HUNK: variants seen among roughly 807,000 people sequenced by gnomAD.
HUNK encodes hormonally up-regulated neu tumor-associated kinase.
Under a neutral mutation model 61.0 loss-of-function variants are expected in HUNK, and 21 were observed. That is an observed-to-expected ratio of 0.34 (90% CI 0.24 to 0.50). The LOEUF (loss-of-function observed/expected upper bound fraction) is 0.50, where lower values mean the gene tolerates loss of function less well. Ranked by LOEUF, HUNK falls within the 20% of genes least tolerant of loss-of-function variation. The probability of loss-of-function intolerance (pLI) is 0.98; values close to 1 mark genes in which losing one functional copy is unlikely to be tolerated. For missense variants in HUNK, 772 were observed against 945.7 expected (o/e 0.82, Z 2.41); for synonymous variants, 371 against 386.1 (o/e 0.96, Z 0.46).
At chr21:31,918,549 G>A (rs567489567) in intron 1 of HUNK, among the ~76,000 whole-genome samples, 3 of 152,290 alleles carry the variant, frequency 2.0e-5, no homozygotes, top group South Asian at 2.1e-4. Flanking sequence ...GTAGGGCCAC[G>A]CTTCCTCCAG....
intron 4 of HUNK, among the ~76,000 whole-genome samples, chr21:31,953,243 CTTTTT>C (rs397948129): frequency 7.4e-6 from 1 of 134,886 alleles, no homozygotes; most frequent in Non-Finnish European, 1.6e-5. Context: ...GGTTTCCATT[CTTTTT>C]TTTTTTTTTT....
At position 31,881,635 on chromosome 21, in the gene HUNK, G is replaced by GCAA. The variant is rs767186093; in HGVS notation, c.261+7722_261+7724dup. On this transcript the variant is annotated intron_variant, in intron 1 of 10. Coordinates refer to ENST00000270112, the MANE Select transcript of HUNK (RefSeq NM_014586.2). ...CAAAAACTCCATAACAACAGCAGCA[G>GCAA]CAACAACAACAACAACAACAACAAA... Among the ~76,000 whole-genome samples the GCAA allele has an allele frequency of 1.8e-3, 280 of 151,948 alleles. 5 individuals carry two copies. Among genetic ancestry groups the GCAA allele is most frequent in the Admixed American group, 1.7e-3 (26 of 15,244 alleles).
At chr21:31,975,414 T>C (rs902571020) in intron 7 of HUNK, among the ~76,000 whole-genome samples, 1 of 152,198 alleles carries the variant, frequency 6.6e-6, no homozygotes, top group African/African-American at 2.4e-5. Flanking sequence ...TTAAAAAGAA[T>C]TCTGCAAATT....
At position 31,995,912 on chromosome 21, in the gene HUNK, G is replaced by T. The variant is rs2053201876; in HGVS notation, c.1450G>T (p.Asp484Tyr). ...QIQNTKALLKDRKASKSSFPD... is the reference protein window; with the variant it reads ...QIQNTKALLKYRKASKSSFPD... ...TCAGAACACCAAAGCCCTCCTGAAGGACCGGAAGGCCTCCAAGTCCAGCTT... is the reference window on the plus strand; with the variant it reads ...TCAGAACACCAAAGCCCTCCTGAAGTACCGGAAGGCCTCCAAGTCCAGCTT... The change falls in exon 10 of 11, where the codon GAC becomes TAC. Residue 484 changes from aspartate to tyrosine, a missense_variant. Asp to Tyr is a radical substitution (Grantham distance 160). This residue lies in a region of HUNK where 413 missense variants were observed against 444.4 expected (regional missense o/e 0.93). Coordinates refer to ENST00000270112, the MANE Select transcript of HUNK (RefSeq NM_014586.2). 1 of 1,613,786 alleles carries T rather than the reference G, an allele frequency of 6.2e-7. No homozygotes were observed. The highest frequency in any genetic ancestry group is 1.7e-5 in the Admixed American group (1 of 59,964).
intron 6 of HUNK, among the ~76,000 whole-genome samples, chr21:31,969,375 T>C (rs919579026): frequency 2.6e-5 from 4 of 151,778 alleles, no homozygotes; most frequent in African/African-American, 9.7e-5. Flanking sequence ...GGCATAGGAG[T>C]CATTCGTTTT....
chr21:31,916,882 G>T (rs1180847109), intron 1 of HUNK, among the ~76,000 whole-genome samples: 1 of 151,890 alleles, frequency 6.6e-6, no homozygotes, highest in African/African-American at 2.4e-5. Flanking sequence ...TCACCATGTT[G>T]CCCAGGCTGG....
At chr21:31,900,139 T>C (rs2052454038) in intron 1 of HUNK, among the ~76,000 whole-genome samples, 1 of 152,126 alleles carries the variant, frequency 6.6e-6, no homozygotes, top group Non-Finnish European at 1.5e-5. Context: ...TTAATCCTCG[T>C]TCATTCTCCC....
At chr21:31,933,285 T>G (rs548251565) in intron 2 of HUNK, among the ~76,000 whole-genome samples, 1 of 152,246 alleles carries the variant, frequency 6.6e-6, no homozygotes, top group South Asian at 2.1e-4. Flanking sequence ...GAAGGCCCAT[T>G]GGCCAAGAAA....
At chr21:31,933,539 CT>C (rs1298140041) in intron 2 of HUNK, among the ~76,000 whole-genome samples, 1 of 151,994 alleles carries the variant, frequency 6.6e-6, no homozygotes, top group Non-Finnish European at 1.5e-5. Context: ...AATCCTAGCA[CT>C]TTGGGAGGCC....
intron 9 of HUNK, among the ~76,000 whole-genome samples, chr21:31,994,651 C>G (rs1028657485): frequency 6.6e-6 from 1 of 152,152 alleles, no homozygotes; most frequent in Non-Finnish European, 1.5e-5. Flanking sequence ...GTGACATCAC[C>G]CTTCCCAGAA....
chr21:31,926,667 G>A lies in HUNK; in HGVS notation c.554+1907G>A, dbSNP rs2052662182. Among the ~76,000 whole-genome samples the A allele has an allele frequency of 2.0e-5, 3 of 152,266 alleles. No homozygotes were observed. In the South Asian group the frequency reaches 6.2e-4, roughly 32 times the overall value. On this transcript the variant is annotated intron_variant, in intron 2 of 10. Coordinates refer to ENST00000270112, the MANE Select transcript of HUNK (RefSeq NM_014586.2). Reference sequence around the variant, plus strand: ...TTCAGGTTTGTCTAAGTTATAGCATGTGTCAGTGTCTCCTTCCTTTTTATG... The same window carrying A: ...TTCAGGTTTGTCTAAGTTATAGCATATGTCAGTGTCTCCTTCCTTTTTATG...
chr21:31,892,724 A>G (rs887013486), intron 1 of HUNK, among the ~76,000 whole-genome samples: 2 of 152,324 alleles, frequency 1.3e-5, no homozygotes, highest in East Asian at 1.9e-4. Context: ...TCAGTTTATC[A>G]TAGATAACGG....
At chr21:31,992,965 T>G (rs568206597) in intron 9 of HUNK, among the ~76,000 whole-genome samples, 34 of 152,322 alleles carry the variant, frequency 2.2e-4, no homozygotes, top group African/African-American at 7.9e-4. Context: ...CACCAGTTAC[T>G]ATGAAATCAC....
At chr21:31,918,857 C>A (rs2052602984) in intron 1 of HUNK, among the ~76,000 whole-genome samples, 1 of 152,208 alleles carries the variant, frequency 6.6e-6, no homozygotes, top group Non-Finnish European at 1.5e-5. Flanking sequence ...GTGGGCCTAT[C>A]TTTGGGAGGC....
In HUNK at chr21:31,995,895, C is replaced by G; in HGVS notation, c.1433C>G (p.Thr478Ser). ...TCGCTTATGACACAGATTCAGAACACCAAAGCCCTCCTGAAGGACCGGAAG... is the reference window on the plus strand; with the variant it reads ...TCGCTTATGACACAGATTCAGAACAGCAAAGCCCTCCTGAAGGACCGGAAG... ...SGSLMTQIQN[T>S]KALLKDRKAS... is the part of the protein sequence containing the mutation. The change falls in exon 10 of 11, where the codon ACC becomes AGC. Residue 478 changes from threonine to serine, a missense_variant. Physicochemically the swap from Thr to Ser is moderately conservative, Grantham distance 58. Coordinates refer to ENST00000270112, the MANE Select transcript of HUNK (RefSeq NM_014586.2). The G allele has an allele frequency of 1.2e-6, 2 of 1,614,110 alleles. No individual in the cohort carries two copies. Among genetic ancestry groups the G allele is most frequent in the Non-Finnish European group, 1.7e-6 (2 of 1,179,994 alleles).
intron 5 of HUNK, among the ~76,000 whole-genome samples, chr21:31,962,399 G>A (rs2052935264): frequency 6.6e-6 from 1 of 152,216 alleles, no homozygotes; most frequent in African/African-American, 2.4e-5. Flanking sequence ...GTCTTAGCAG[G>A]CTGGGCTCTA....
chr21:31,910,894 C>G (rs2052541301), intron 1 of HUNK, among the ~76,000 whole-genome samples: 1 of 152,202 alleles, frequency 6.6e-6, no homozygotes. Flanking sequence ...ATACCTAATG[C>G]AATGCCTACA....
Position 31,917,749 on chromosome 21 carries a change from CA to C in HUNK, c.262-6718del, listed in dbSNP as rs1568924795. On this transcript the variant is annotated intron_variant, in intron 1 of 10. Coordinates refer to ENST00000270112, the MANE Select transcript of HUNK (RefSeq NM_014586.2). ...ACACACACACACACACACACACACA[CA>C]CACACACCCCTGGACTGAATTGGGA... 3.2e-3 allele frequency among the ~76,000 whole-genome samples: 463 copies of C among 145,582 alleles called. 2 individuals are homozygous for C. The highest frequency in any genetic ancestry group is 4.2e-3 in the Non-Finnish European group (279 of 66,652).
chr21:31,874,337 CG>C (rs571520534), intron 1 of HUNK, among the ~76,000 whole-genome samples: 7 of 39,730 alleles, frequency 1.8e-4, no homozygotes, highest in Non-Finnish European at 2.3e-4. Flanking sequence ...TGTCGGGGGG[CG>C]GGGGGGGCAG....
Sources: allele counts gnomAD v4.1 joint callset (sites outside exome capture counted in the v4.1 genomes callset), GRCh38; gene constraint gnomAD v4.1.1; regional missense constraint gnomAD v4.1.1; transcripts MANE v1.5; gene names NCBI Gene and HGNC (gene_info 2026-07-23, HGNC 2026-07-21).